CNTN4: variants seen among roughly 807,000 people sequenced by gnomAD.
CNTN4 encodes the protein contactin-4.
In CNTN4, 77 loss-of-function variants were observed where a neutral mutation model predicts 122.5. The observed-to-expected ratio is 0.63, with a 90% CI of 0.52 to 0.76. The LOEUF (loss-of-function observed/expected upper bound fraction) is 0.76, where lower values mean the gene tolerates loss of function less well. Ranked by LOEUF, CNTN4 falls within the 30% of genes least tolerant of loss-of-function variation. The probability of loss-of-function intolerance (pLI) is 0.00; values close to 1 mark genes in which losing one functional copy is unlikely to be tolerated. For synonymous variants in CNTN4, 512 were observed against 447.0 expected, an observed-to-expected ratio of 1.15 and a Z score of -1.83; for missense variants, 1,256 against 1,259.1, an observed-to-expected ratio of 1.00 and a Z score of 0.04.
chr3:2,347,349 C>G (rs112230394), intron 3 of CNTN4, among the ~76,000 whole-genome samples: 1 of 150,612 alleles, frequency 6.6e-6, no homozygotes, highest in Non-Finnish European at 1.5e-5. Context: ...GTCATTTTTC[C>G]TCATATTCCA....
At chr3:2,160,433 G>C (rs1244623401) in intron 2 of CNTN4, among the ~76,000 whole-genome samples, 1 of 152,096 alleles carries the variant, frequency 6.6e-6, no homozygotes, top group African/African-American at 2.4e-5. Flanking sequence ...TAGTTATCTT[G>C]CTATGACTTC....
At chr3:2,972,319 T>C (rs947597613) in intron 13 of CNTN4, among the ~76,000 whole-genome samples, 3 of 152,038 alleles carry the variant, frequency 2.0e-5, no homozygotes, top group Non-Finnish European at 4.4e-5. Flanking sequence ...CACAGACACA[T>C]ACACTCACTC....
chr3:2,631,865 C>CAAAAAAAAAAAAAAAAAA (rs1157671569), intron 4 of CNTN4, among the ~76,000 whole-genome samples: 6 of 70,186 alleles, frequency 8.5e-5, no homozygotes, highest in Admixed American at 1.7e-4. Context: ...CGTATCTCTA[C>CAAAAAAAAAAAAAAAAAA]AAAAAAAAAA....
intron 2 of CNTN4, among the ~76,000 whole-genome samples, chr3:2,306,807 C>G (rs897448255): frequency 6.6e-6 from 1 of 151,846 alleles, no homozygotes; most frequent in African/African-American, 2.4e-5. Context: ...ATGATGTTGT[C>G]TAGTTTTCAG....
intron 2 of CNTN4, among the ~76,000 whole-genome samples, chr3:2,207,714 A>G (rs1406392800): frequency 1.3e-5 from 2 of 152,156 alleles, no homozygotes; most frequent in Non-Finnish European, 2.9e-5. Context: ...CAGAAGCTCT[A>G]GTTAAGATCA....
chr3:2,161,870 G>C (rs1314245863), intron 2 of CNTN4, among the ~76,000 whole-genome samples: 2 of 152,150 alleles, frequency 1.3e-5, no homozygotes, highest in African/African-American at 4.8e-5. Flanking sequence ...ACAGTAATCA[G>C]ATAAACTACT....
chr3:2,504,417 A>G (rs1003462906), intron 3 of CNTN4, among the ~76,000 whole-genome samples: 16 of 152,264 alleles, frequency 1.1e-4, no homozygotes, highest in East Asian at 1.9e-4. Flanking sequence ...TATTTCCTCA[A>G]TGGCATCTGT....
At chr3:2,554,545 A>G (rs1269399195) in intron 3 of CNTN4, among the ~76,000 whole-genome samples, 1 of 152,148 alleles carries the variant, frequency 6.6e-6, no homozygotes, top group Admixed American at 6.6e-5. Flanking sequence ...GAACAGAAAA[A>G]AAAATTACTG....
chr3:3,003,707 AAAAAAAAC>A (rs1559776088), intron 14 of CNTN4, among the ~76,000 whole-genome samples: 1 of 150,350 alleles, frequency 6.7e-6, no homozygotes, highest in African/African-American at 2.4e-5. Context: ...AAAAAAAAAA[AAAAAAAAC>A]AAAAAAACCC....
At chr3:2,451,725 T>A (rs1185191445) in intron 3 of CNTN4, among the ~76,000 whole-genome samples, 1 of 152,176 alleles carries the variant, frequency 6.6e-6, no homozygotes, top group Non-Finnish European at 1.5e-5. Flanking sequence ...ATGAAGTAAG[T>A]ATTCCATTTT....
intron 2 of CNTN4, among the ~76,000 whole-genome samples, chr3:2,193,867 G>A (rs1202453863): frequency 6.6e-6 from 1 of 152,202 alleles, no homozygotes; most frequent in Non-Finnish European, 1.5e-5. Context: ...CAGGTTTGCA[G>A]CCTAGGAGCA....
intron 4 of CNTN4, among the ~76,000 whole-genome samples, chr3:2,596,238 G>C (rs977092448): frequency 6.6e-6 from 1 of 152,164 alleles, no homozygotes; most frequent in Non-Finnish European, 1.5e-5. Context: ...AGAGAAACAG[G>C]TGAGGGAAGC....
intron 4 of CNTN4, among the ~76,000 whole-genome samples, chr3:2,594,791 T>C (rs2080685548): frequency 6.6e-6 from 1 of 152,204 alleles, no homozygotes; most frequent in Non-Finnish European, 1.5e-5. Flanking sequence ...TTTGTGTGTG[T>C]GTGTCTGTAC....
intron 4 of CNTN4, among the ~76,000 whole-genome samples, chr3:2,609,452 A>G (rs967920406): frequency 6.6e-5 from 10 of 152,198 alleles, no homozygotes; most frequent in Non-Finnish European, 1.5e-4. Flanking sequence ...CATGTTGTTT[A>G]TAAATTACCC....
intron 14 of CNTN4, among the ~76,000 whole-genome samples, chr3:3,002,122 A>G (rs2125407395): frequency 6.6e-6 from 1 of 152,320 alleles, no homozygotes; most frequent in East Asian, 1.9e-4. Context: ...GGGAGAGTGT[A>G]GATTAATGGT....
chr3:2,371,400 A>G (rs73807746), intron 3 of CNTN4, among the ~76,000 whole-genome samples: 1 of 151,698 alleles, frequency 6.6e-6, no homozygotes, highest in Admixed American at 6.6e-5. Flanking sequence ...ACAAACCCCA[A>G]CCCCAATGCT....
At chr3:2,260,064 C>T (rs1204969119) in intron 2 of CNTN4, among the ~76,000 whole-genome samples, 1 of 152,144 alleles carries the variant, frequency 6.6e-6, no homozygotes, top group Non-Finnish European at 1.5e-5. Context: ...AGATCCTTGG[C>T]TACAATTACA....
At chr3:3,030,154 G>C (rs965619102) in intron 15 of CNTN4, among the ~76,000 whole-genome samples, 2 of 152,154 alleles carry the variant, frequency 1.3e-5, no homozygotes, top group African/African-American at 4.8e-5. Flanking sequence ...CTGCCTTTGT[G>C]ATAGCCTGTG....
At chr3:2,241,327 A>G (rs927946274) in intron 2 of CNTN4, among the ~76,000 whole-genome samples, 4 of 152,106 alleles carry the variant, frequency 2.6e-5, no homozygotes, top group African/African-American at 9.6e-5. Context: ...CATTGGATAG[A>G]TAGTTACAAT....
Sources: gnomAD v4.1 joint callset for allele counts (sites outside exome capture counted in the v4.1 genomes callset) on GRCh38, gnomAD v4.1.1 for gene constraint, MANE v1.5 for transcripts, NCBI Gene and HGNC (gene_info 2026-07-23, HGNC 2026-07-21) for gene names.